The following CTNNA2 variants were observed in gnomAD, a reference collection of about 807,000 sequenced individuals.
The protein encoded by CTNNA2 is catenin alpha-2.
A neutral mutation model predicts 101.0 loss-of-function variants in CTNNA2; 42 were observed. The observed-to-expected ratio is 0.42, with a 90% CI of 0.32 to 0.54. CTNNA2 has a LOEUF of 0.54. Among genes scored for constraint, CTNNA2 ranks in the 20% least tolerant of loss-of-function variants. The pLI is 0.14. For missense variants in CTNNA2, 871 were observed against 1,223.1 expected (o/e 0.71, Z 4.29); for synonymous variants, 450 against 456.4 (o/e 0.99, Z 0.18).
chr2:79,793,375 G>A lies in CTNNA2; in HGVS notation c.298+48793G>A, dbSNP rs543880111. Among the ~76,000 whole-genome samples the A allele has an allele frequency of 7.9e-5, 12 of 152,288 alleles. No individual in the cohort carries two copies. In the South Asian group the frequency reaches 2.5e-3, roughly 32 times the overall value. On this transcript the variant is annotated intron_variant, in intron 3 of 18. Coordinates refer to ENST00000402739, the MANE Select transcript of CTNNA2 (RefSeq NM_001282597.3). ...GACAGAGCGACTCATGTAGAGCTGG[G>A]CATGCAGTGGGGCTGCACCCCAACT...
chr2:79,224,550 A>C, intron 2 of CTNNA2, among the ~76,000 whole-genome samples: 1 of 152,116 alleles, frequency 6.6e-6, no homozygotes, highest in Non-Finnish European at 1.5e-5. Flanking sequence ...ATATTTTACT[A>C]TGCATCTTAT....
rs1328793634 is a variant in CTNNA2, at chr2:79,401,255, T to TA, written c.-135+27243dup. 8.6e-5 allele frequency among the ~76,000 whole-genome samples: 13 copies of TA among 151,562 alleles called. No homozygotes were observed. The South Asian group carries it at 1.7e-3, about 19-fold the overall frequency. ...CATGTACCCCATAAATATATACACTTACAGTATACCCACAAATTTGTTTTT... is the reference window on the plus strand; with the variant it reads ...CATGTACCCCATAAATATATACACTTAACAGTATACCCACAAATTTGTTTTT... On this transcript the variant is annotated intron_variant, in intron 4 of 21. Transcript: ENST00000466387.
At chr2:79,982,171 T>TG (rs1288759595) in intron 7 of CTNNA2, among the ~76,000 whole-genome samples, 2 of 120,380 alleles carry the variant, frequency 1.7e-5, no homozygotes, top group African/African-American at 6.2e-5. Flanking sequence ...CCAGAGTACC[T>TG]GAGACCACAG....
chr2:80,629,479 C>A (rs756365393), intron 18 of CTNNA2, among the ~76,000 whole-genome samples: 2 of 152,086 alleles, frequency 1.3e-5, no homozygotes, highest in Non-Finnish European at 2.9e-5. Flanking sequence ...CAGGAATCTG[C>A]ATTTTATTCC....
At chr2:80,015,293 T>A (rs2104054228) in intron 7 of CTNNA2, among the ~76,000 whole-genome samples, 1 of 152,272 alleles carries the variant, frequency 6.6e-6, no homozygotes, top group South Asian at 2.1e-4. Context: ...CTCTCTGTAT[T>A]TGAAATTAAA....
intron 2 of CTNNA2, among the ~76,000 whole-genome samples, chr2:79,304,870 T>G (rs1676196277): frequency 6.6e-6 from 1 of 152,194 alleles, no homozygotes; most frequent in Non-Finnish European, 1.5e-5. Flanking sequence ...AGAAATGAAT[T>G]GCTGACTAAA....
At chr2:80,237,053 C>T (rs935278869) in intron 7 of CTNNA2, among the ~76,000 whole-genome samples, 1 of 152,076 alleles carries the variant, frequency 6.6e-6, no homozygotes, top group African/African-American at 2.4e-5. Context: ...CTGGTACTAC[C>T]CTGAAATTTC....
At chr2:80,644,489 G>T (rs1021261927) in intron 18 of CTNNA2, among the ~76,000 whole-genome samples, 2 of 152,070 alleles carry the variant, frequency 1.3e-5, no homozygotes, top group Non-Finnish European at 2.9e-5. Flanking sequence ...TTTTCTTTAG[G>T]AAGTGAAGTT....
Position 79,308,114 on chromosome 2 carries a change from G to A in CTNNA2, c.-405-4595G>A, listed in dbSNP as rs529302846. 5.3e-5 allele frequency among the ~76,000 whole-genome samples: 8 copies of A among 152,124 alleles called. No individual in the cohort carries two copies. The East Asian group carries it at 7.7e-4, about 15-fold the overall frequency. On this transcript the variant is annotated intron_variant, in intron 2 of 21. Transcript: ENST00000466387. ...GGCTGCAGTACAGTGGCATGATCTC[G>A]GCTCACTGCAAGCTCAGCTTCCCAG... is the stretch of plus-strand genomic sequence containing the variant.
intron 4 of CTNNA2, among the ~76,000 whole-genome samples, chr2:79,489,773 G>A (rs55662482): frequency 0.055 from 8,374 of 152,152 alleles, 598 homozygotes; most frequent in African/African-American, 0.17. Flanking sequence ...GTAGTATAAC[G>A]CAATTTCTCA....
intron 7 of CTNNA2, among the ~76,000 whole-genome samples, chr2:80,183,449 G>A (rs1053742609): frequency 6.6e-6 from 1 of 152,116 alleles, no homozygotes; most frequent in Non-Finnish European, 1.5e-5. Flanking sequence ...CCACAAAAAT[G>A]CTGTGTAAAA....
At position 80,303,553 on chromosome 2, in the gene CTNNA2, C is replaced by T. The variant is rs1042747431; in HGVS notation, c.1057-89658C>T. 1.9e-6 allele frequency: 3 copies of T among 1,614,136 alleles called. No individual in the cohort carries two copies. Among genetic ancestry groups the T allele is most frequent in the Non-Finnish European group, 2.5e-6 (3 of 1,180,056 alleles). On this transcript the variant is annotated intron_variant, in intron 7 of 18. Transcript: ENST00000402739. This position sits in a 1 kb window ranked among gnomAD's most constrained non-coding sequence, Gnocchi z 7.7. ...GATCCAGATAGAGCCACGTGAGCTG[C>T]ATTAACCCCGTGAACTGGCCGGCGC...
At chr2:79,239,067 G>A (rs1674591383) in intron 2 of CTNNA2, among the ~76,000 whole-genome samples, 2 of 152,058 alleles carry the variant, frequency 1.3e-5, no homozygotes. Flanking sequence ...CATCACCCAG[G>A]TATTAAGCCC....
chr2:80,424,941 C>G (rs546635743), intron 9 of CTNNA2, among the ~76,000 whole-genome samples: 1 of 152,176 alleles, frequency 6.6e-6, no homozygotes, highest in African/African-American at 2.4e-5. Flanking sequence ...GCTGCCTCAG[C>G]GGGGCTGTGC....
chr2:79,948,969 A>AAAAT (rs1421612926), intron 7 of CTNNA2, among the ~76,000 whole-genome samples: 17 of 152,032 alleles, frequency 1.1e-4, no homozygotes, highest in African/African-American at 2.4e-4. Context: ...CTCCGTCTCA[A>AAAAT]AAATAAATAA....
chr2:80,038,746 T>C (rs1695834760), intron 7 of CTNNA2, among the ~76,000 whole-genome samples: 1 of 152,186 alleles, frequency 6.6e-6, no homozygotes, highest in Non-Finnish European at 1.5e-5. Flanking sequence ...CTGGGGAGGC[T>C]GAGGCACAAG....
rs985213050 is a variant in CTNNA2, at chr2:79,640,259, A to C, written c.-5-11293A>C. On this transcript the variant is annotated intron_variant, in intron 1 of 18. Transcript: ENST00000402739. ...AGGGAGACTTCCTAAAGAGGTTGGG[A>C]CCTGAGAGGGTCTTGAAGACAAAAT... Among the ~76,000 whole-genome samples the C allele has an allele frequency of 2.6e-5, 4 of 152,090 alleles. No homozygotes were observed. In the East Asian group the frequency reaches 7.7e-4, roughly 29 times the overall value.
In CTNNA2 at chr2:79,318,075, G is replaced by A. The variant is rs188747966; in HGVS notation, c.-318+5279G>A. Among the ~76,000 whole-genome samples, 21 of 151,730 alleles carry A rather than the reference G, an allele frequency of 1.4e-4. No homozygotes were observed. The East Asian group carries it at 4.1e-3, about 29-fold the overall frequency. On this transcript the variant is annotated intron_variant, in intron 3 of 21. Transcript: ENST00000466387. ...AGGTTGAAGTTATTTGTCTATATAG[G>A]GACTTGAGATAATTATTATGATATG...
chr2:80,422,372 G>A (rs1297436160), intron 9 of CTNNA2, among the ~76,000 whole-genome samples: 1 of 151,872 alleles, frequency 6.6e-6, no homozygotes, highest in Non-Finnish European at 1.5e-5. Context: ...ACGACTCAAG[G>A]TGAGATTGAA....
Sources: allele counts gnomAD v4.1 joint callset (sites outside exome capture counted in the v4.1 genomes callset), GRCh38; gene constraint gnomAD v4.1.1; non-coding constraint Gnocchi (gnomAD v3.1); transcripts MANE v1.5; gene names NCBI Gene and HGNC (gene_info 2026-07-23, HGNC 2026-07-21).